The following KIF5B variants were observed in gnomAD, a reference collection of about 807,000 sequenced individuals.
KIF5B encodes kinesin-1 heavy chain.
In KIF5B, 49 loss-of-function variants were observed where a neutral mutation model predicts 132.8. The ratio of observed to expected loss-of-function variants is 0.37; its 90% confidence interval spans 0.29 to 0.47. KIF5B has a LOEUF of 0.47. KIF5B is among the 20% of genes least tolerant of loss of function. The pLI, the probability that KIF5B is intolerant of heterozygous loss-of-function variation, is 1.00. For missense variants in KIF5B, 780 were observed against 1,144.0 expected, an observed-to-expected ratio of 0.68 and a Z score of 4.59; for synonymous variants, 355 against 369.4, an observed-to-expected ratio of 0.96 and a Z score of 0.45.
In KIF5B at chr10:32,035,434, C is replaced by T. The variant is rs143930575; in HGVS notation, c.962+88G>A. The T allele has an allele frequency of 3.7e-5, 42 of 1,133,842 alleles. No individual in the cohort carries two copies. The East Asian group carries it at 8.0e-4, about 22-fold the overall frequency. 70.2% of individuals were successfully genotyped at this position (1,133,842 alleles called of 1,614,324 possible). ...TGTGTCTAGCACAAAACAGTATGTA[C>T]AGGTTGGAATAACAGCTCACATTTT... On this transcript the variant is annotated intron_variant, in intron 10 of 25. Transcript: ENST00000302418.
chr10:32,016,910 T>C (rs1841178014), intron 24 of KIF5B, among the ~76,000 whole-genome samples: 1 of 152,230 alleles, frequency 6.6e-6, no homozygotes, highest in South Asian at 2.1e-4. Context: ...TTTAATAATA[T>C]TGCTCTATAT....
chr10:32,041,600 C>T (rs1158667236), intron 2 of KIF5B, among the ~76,000 whole-genome samples: 1 of 152,168 alleles, frequency 6.6e-6, no homozygotes, highest in Non-Finnish European at 1.5e-5. Context: ...TCACTCCTAC[C>T]TCAAAATCAA....
chr10:32,014,217 T>TA (rs976177864), intron 25 of KIF5B, among the ~76,000 whole-genome samples: 1 of 152,090 alleles, frequency 6.6e-6, no homozygotes, highest in African/African-American at 2.4e-5. Context: ...TTGCTAAGTT[T>TA]AAAAAGCAGG....
At chr10:32,055,676 C>A (rs1164768492) in intron 1 of KIF5B, among the ~76,000 whole-genome samples, 172 bp downstream of exon 1, 1 of 152,184 alleles carries the variant, frequency 6.6e-6, no homozygotes, top group Non-Finnish European at 1.5e-5. Context: ...CAGGAACGCA[C>A]GCGAGGCTGC....
intron 25 of KIF5B, among the ~76,000 whole-genome samples, chr10:32,013,059 G>A (rs979878482): frequency 2.0e-5 from 3 of 151,876 alleles, no homozygotes; most frequent in African/African-American, 4.8e-5. Flanking sequence ...GTGCCACCAC[G>A]CCCTGCTGAT....
In KIF5B at chr10:32,056,421, G is replaced by C. The variant is rs1366356412; in HGVS notation, c.-448C>G. 5 of 162,472 alleles carry C rather than the reference G, an allele frequency of 3.1e-5. No homozygotes were observed. Among genetic ancestry groups the C allele is most frequent in the Non-Finnish European group, 6.7e-5 (5 of 74,172 alleles). The allele number at this position is 162,472 out of a possible 1,614,324, so 10.1% of individuals were successfully genotyped here. A position where few individuals can be genotyped will look rare whatever the true frequency, so the allele number is the denominator to read the frequency against. On this transcript the variant is annotated 5_prime_UTR_variant, in exon 1 of 26. Transcript: ENST00000302418. ...CGATCACTCCTGAGGCCGCCGTTGG[G>C]CGACAGGGCGGTGCGGGAGGAGGAC...
At chr10:32,039,268 T>C in intron 4 of KIF5B, 59 bp downstream of exon 4, 4 of 670,084 alleles carry the variant, frequency 6.0e-6, no homozygotes, top group Non-Finnish European at 1.0e-5. Flanking sequence ...CATTTACTAT[T>C]TTTTTAGAAC....
At chr10:32,034,284 G>T (rs1467249472) in intron 11 of KIF5B, among the ~76,000 whole-genome samples, 1 of 151,868 alleles carries the variant, frequency 6.6e-6, no homozygotes, top group Non-Finnish European at 1.5e-5. Context: ...GCTAATTTTG[G>T]TGTTTTCAGT....
At position 32,017,061 on chromosome 10, in the gene KIF5B, C is replaced by T. The variant is rs559532909; in HGVS notation, c.2761+82G>A. The stretch of plus-strand genomic sequence containing the variant: ...TAGAGACAGATGCACCATGACAACA[C>T]ATAAAATTCGGATTACGTTTTCCAC... On this transcript the variant is annotated intron_variant, in intron 24 of 25. Coordinates refer to ENST00000302418, the MANE Select transcript of KIF5B (RefSeq NM_004521.3). 304 of 1,131,178 alleles carry T rather than the reference C, an allele frequency of 2.7e-4. 9 individuals carry two copies. The South Asian group carries it at 3.8e-3, about 14-fold the overall frequency. The allele number at this position is 1,131,178 out of a possible 1,614,324, so 70.1% of individuals were successfully genotyped here.
chr10:32,024,058 A>C (rs867852966), intron 15 of KIF5B, among the ~76,000 whole-genome samples: 1 of 101,330 alleles, frequency 9.9e-6, no homozygotes, highest in African/African-American at 3.1e-5. Context: ...GAGTAAAAAA[A>C]AAAAACAAAA....
rs1224110109 is a variant in KIF5B, at chr10:32,015,537, G to T, written c.2884C>A (p.Gln962Lys). The T allele has an allele frequency of 3.1e-6, 5 of 1,610,256 alleles. No homozygotes were observed. The highest frequency in any genetic ancestry group is 4.2e-6 in the Non-Finnish European group (5 of 1,178,408). The change falls in exon 25 of 26, where the codon CAA becomes AAA. Residue 962 changes from glutamine (Q) to lysine (K), a missense_variant. By Grantham distance (53) the Gln-to-Lys change is moderately conservative. Around this residue, in one of 9 missense-constraint regions of KIF5B, gnomAD observed 90 missense variants for 101.8 expected, o/e 0.88. Transcript: ENST00000302418. ...TGGGTATGTATAAACGATTACACTTGTTTGCCTCCTCCACCTCGCACTGCC... is the reference window on the plus strand; with the variant it reads ...TGGGTATGTATAAACGATTACACTTTTTTGCCTCCTCCACCTCGCACTGCC... ...PVAVRGGGGK[Q>K]V
In KIF5B at chr10:32,017,186, G is replaced by C. The variant is rs1008333486; in HGVS notation, c.2718C>G (p.Val906=). 1.2e-6 allele frequency: 2 copies of C among 1,614,068 alleles called. No homozygotes were observed. The highest frequency in any genetic ancestry group is 2.7e-5 in the African/African-American group (2 of 74,926). ...QQEVDRIKEA[V]RSKNMARRGH... ...CTCTTCTGGCCATATTCTTTGACCT[G>C]ACTGCTTCCTTTATGCGATCTACTT... The change falls in exon 24 of 26, where the codon GTC becomes GTG. Residue 906 remains valine, a synonymous_variant. Transcript: ENST00000302418.
rs749918352 is a variant in KIF5B, at chr10:32,019,904, A to G, written c.2260T>C (p.Leu754=). The part of the protein sequence containing the change: ...QERLRVEHEK[L]KATDQEKSRK... ...CTCTTTTCCTGATCTGTGGCTTTCA[A>G]CTTCTCATGTTCTACTCTTAGACGT... is the stretch of plus-strand genomic sequence containing the variant. The change falls in exon 20 of 26, where the codon TTG becomes CTG. Residue 754 remains leucine, a synonymous_variant. Coordinates refer to ENST00000302418, the MANE Select transcript of KIF5B (RefSeq NM_004521.3). 3.1e-6 allele frequency: 5 copies of G among 1,612,452 alleles called. No homozygotes were observed. Among genetic ancestry groups the G allele is most frequent in the Middle Eastern group, 1.7e-4 (1 of 6,054 alleles).
intron 1 of KIF5B, 145 bp downstream of exon 1, chr10:32,055,702 TG>T (rs1479530379): frequency 1.8e-6 from 2 of 1,095,326 alleles, no homozygotes; most frequent in Non-Finnish European, 2.6e-6. Flanking sequence ...CTCCCTCCAC[TG>T]GGTTATCTGA....
chr10:32,013,014 GC>G (rs1211076893), intron 25 of KIF5B, among the ~76,000 whole-genome samples: 9 of 150,772 alleles, frequency 6.0e-5, no homozygotes, highest in Non-Finnish European at 1.0e-4. Flanking sequence ...CGATTCTCCT[GC>G]CCCAGCCTCC....
intron 2 of KIF5B, among the ~76,000 whole-genome samples, chr10:32,045,862 G>A (rs946476917): frequency 6.6e-6 from 1 of 152,120 alleles, no homozygotes; most frequent in Non-Finnish European, 1.5e-5. Flanking sequence ...ATAGGTAAGA[G>A]GCTCTGAAGT....
At position 32,010,286 on chromosome 10, in the gene KIF5B, T is replaced by C. The variant is rs1841058498; in HGVS notation, c.*1251A>G. The C allele has an allele frequency of 6.6e-6, 1 of 152,224 alleles. No individual in the cohort carries two copies. Among genetic ancestry groups the C allele is most frequent in the East Asian group, 1.9e-4 (1 of 5,198 alleles). 9.4% of individuals were successfully genotyped at this position (152,224 alleles called of 1,614,324 possible). ...TTCCTAAAATAAGCTGTTGACTTAC[T>C]TTAATCATCTGAGGAAAAAGTGGCA... On this transcript the variant is annotated 3_prime_UTR_variant, in exon 26 of 26. Transcript: ENST00000302418.
At position 32,034,169 on chromosome 10, in the gene KIF5B, G is replaced by A. The variant is rs1012583412; in HGVS notation, c.1112-131C>T. Reference sequence around the variant, plus strand: ...TCTGTCACCCTGGCTGGAGTGCAGTGGTGCAATCTAGGCTCACTGCAACCT... The same window carrying A: ...TCTGTCACCCTGGCTGGAGTGCAGTAGTGCAATCTAGGCTCACTGCAACCT... On this transcript the variant is annotated intron_variant, in intron 11 of 25. Coordinates refer to ENST00000302418, the MANE Select transcript of KIF5B (RefSeq NM_004521.3). 1.6e-5 allele frequency: 9 copies of A among 577,456 alleles called. No homozygotes were observed. The East Asian group carries it at 2.5e-4, about 16-fold the overall frequency. The allele number at this position is 577,456 out of a possible 1,614,324, so 35.8% of individuals were successfully genotyped here. A position where few individuals can be genotyped will look rare whatever the true frequency, so the allele number is the denominator to read the frequency against.
At chr10:32,035,777 TC>T in intron 9 of KIF5B, 110 bp from the exon 10 acceptor site, 1 of 1,327,906 alleles carries the variant, frequency 7.5e-7, no homozygotes, top group South Asian at 1.4e-5. Context: ...ACACATTGAA[TC>T]TCAATCTCTC....
Sources: gnomAD v4.1 joint callset for allele counts (sites outside exome capture counted in the v4.1 genomes callset) on GRCh38, gnomAD v4.1.1 for gene constraint, gnomAD v4.1.1 regional missense constraint, MANE v1.5 for transcripts, NCBI Gene and HGNC (gene_info 2026-07-23, HGNC 2026-07-21) for gene names.